The following HK1 variants were observed in gnomAD, a reference collection of about 807,000 sequenced individuals.
HK1 encodes the protein hexokinase-1.
In HK1, 28 loss-of-function variants were observed where a neutral mutation model predicts 91.6. The observed-to-expected ratio is 0.31, with a 90% CI of 0.23 to 0.42. The LOEUF (loss-of-function observed/expected upper bound fraction) is 0.42, where lower values mean the gene tolerates loss of function less well. HK1 is among the 10% of genes least tolerant of loss of function. The pLI, the probability that HK1 is intolerant of heterozygous loss-of-function variation, is 1.00. For synonymous variants in HK1, 430 were observed against 468.1 expected (o/e 0.92, Z 1.05); for missense variants, 770 against 1,219.8 (o/e 0.63, Z 5.49).
intron 1 of HK1, among the ~76,000 whole-genome samples, chr10:69,273,382 A>AT (rs1360053893): frequency 6.6e-6 from 1 of 151,844 alleles, no homozygotes. Flanking sequence ...CACCCAGATA[A>AT]TTTTTTTGTA....
chr10:69,365,007 C>A, intron 4 of HK1, 105 bp downstream of exon 4: 1 of 1,262,688 alleles, frequency 7.9e-7, no homozygotes, highest in Non-Finnish European at 1.2e-6. Flanking sequence ...GAATGGTTTG[C>A]ATGTCTGGTA....
intron 4 of HK1, among the ~76,000 whole-genome samples, chr10:69,297,588 C>T (rs765694050): frequency 2.0e-5 from 3 of 152,104 alleles, no homozygotes; most frequent in Admixed American, 6.6e-5. Flanking sequence ...TCTGAAGCAT[C>T]GCAGCTTTAG....
Position 69,355,664 on chromosome 10 carries a change from C to T in HK1, c.227-4233C>T, listed in dbSNP as rs142602590. Among the ~76,000 whole-genome samples the T allele has an allele frequency of 5.2e-3, 789 of 152,164 alleles. 2 individuals are homozygous for T. Among genetic ancestry groups the T allele is most frequent in the Middle Eastern group, 0.024 (7 of 294 alleles). ...AAAATTAGCCAGTTGTGGTGGCACA[C>T]GCCTGTAATCCTAGCTACTTGGGAG... is the stretch of plus-strand genomic sequence containing the variant. On this transcript the variant is annotated intron_variant, in intron 2 of 17. Coordinates refer to ENST00000359426, the MANE Select transcript of HK1 (RefSeq NM_000188.3).
intron 2 of HK1, among the ~76,000 whole-genome samples, chr10:69,285,687 G>A (rs1447438246): frequency 6.6e-6 from 1 of 152,114 alleles, no homozygotes; most frequent in Non-Finnish European, 1.5e-5. Context: ...ACAGTTCTGC[G>A]GCGACATGTG....
intron 17 of HK1, 124 bp downstream of exon 17, chr10:69,398,952 C>A: frequency 2.9e-6 from 2 of 687,320 alleles, no homozygotes; most frequent in Admixed American, 4.7e-5. Flanking sequence ...GAAGGCTGTG[C>A]GTTCAGGAGC....
At chr10:69,342,583 A>G (rs974234358) in intron 1 of HK1, among the ~76,000 whole-genome samples, 3 of 152,224 alleles carry the variant, frequency 2.0e-5, no homozygotes, top group African/African-American at 7.2e-5. Flanking sequence ...TGCAGAGGGT[A>G]GGTGCCTTGG....
At chr10:69,373,941 C>T (rs999984635) in intron 7 of HK1, among the ~76,000 whole-genome samples, 3 of 152,136 alleles carry the variant, frequency 2.0e-5, no homozygotes, top group Non-Finnish European at 2.9e-5. Flanking sequence ...CCTGGAATCT[C>T]TGGGATCTTG....
At chr10:69,292,321 C>T (rs1399134546) in intron 3 of HK1, 2 of 439,586 alleles carry the variant, frequency 4.5e-6, no homozygotes, top group East Asian at 7.6e-5. Flanking sequence ...GATCCTCCTG[C>T]CTCAGCCTCC....
Position 69,380,076 on chromosome 10 carries a change from C to T in HK1, c.1246C>T (p.Leu416Phe). Residue 416 changes from leucine to phenylalanine, a missense_variant, in exon 9 of 18, where the codon CTT becomes TTT. Coordinates refer to ENST00000359426, the MANE Select transcript of HK1 (RefSeq NM_000188.3). This position sits in a 1 kb window ranked among gnomAD's most constrained non-coding sequence, Gnocchi z 4.0. ...GACCACGGTTGGTGTCGACGGATCT[C>T]TTTACAAGACGCACCCACAGTGAGT... is the stretch of plus-strand genomic sequence containing the variant. ...LRTTVGVDGSLYKTHPQYSRR... is the reference protein window; with the variant it reads ...LRTTVGVDGSFYKTHPQYSRR... 6.2e-7 allele frequency: 1 copy of T among 1,613,856 alleles called. No homozygotes were observed. The highest frequency in any genetic ancestry group is 1.6e-4 in the Middle Eastern group (1 of 6,062).
intron 7 of HK1, among the ~76,000 whole-genome samples, chr10:69,371,316 A>ACCCCCCCC (rs59530954): frequency 7.6e-6 from 1 of 131,218 alleles, no homozygotes; most frequent in Non-Finnish European, 1.6e-5. Context: ...TTTTTACCAT[A>ACCCCCCCC]CCCCCCCCCA....
chr10:69,271,365 A>T (rs1589423243), intron 1 of HK1, among the ~76,000 whole-genome samples: 1 of 152,172 alleles, frequency 6.6e-6, no homozygotes, highest in Non-Finnish European at 1.5e-5. Context: ...AATGGCATGA[A>T]TTACATTTAT....
At chr10:69,390,017 G>A (rs1386907002) in intron 14 of HK1, among the ~76,000 whole-genome samples, 3 of 152,162 alleles carry the variant, frequency 2.0e-5, no homozygotes, top group African/African-American at 4.8e-5. Flanking sequence ...CAACATCTGC[G>A]GACTCTGCCT....
intron 15 of HK1, among the ~76,000 whole-genome samples, chr10:69,394,527 C>G (rs1353956165): frequency 6.6e-6 from 1 of 152,146 alleles, no homozygotes; most frequent in Non-Finnish European, 1.5e-5. Context: ...GCCCTGTCCT[C>G]TTGGGGCTGT....
Position 69,343,892 on chromosome 10 carries a change from C to T in HK1, c.129C>T (p.Phe43=). 1.9e-6 allele frequency: 3 copies of T among 1,614,010 alleles called. No homozygotes were observed. Among genetic ancestry groups the T allele is most frequent in the Non-Finnish European group, 2.5e-6 (3 of 1,179,900 alleles). ...CTCTCATAGATATCATGACTCGCTT[C>T]AGGAAGGAGATGAAGAATGGCCTCT... ...DETLIDIMTR[F]RKEMKNGLSR... Residue 43 remains phenylalanine, a synonymous_variant, in exon 2 of 18, where the codon TTC becomes TTT. Coordinates refer to ENST00000359426, the MANE Select transcript of HK1 (RefSeq NM_000188.3).
At chr10:69,367,208 C>G (rs527946299) in intron 4 of HK1, among the ~76,000 whole-genome samples, 1 of 152,288 alleles carries the variant, frequency 6.6e-6, no homozygotes, top group Admixed American at 6.5e-5. Context: ...GCCTTCACCC[C>G]CTCTGGAGAA....
intron 2 of HK1, among the ~76,000 whole-genome samples, chr10:69,346,566 T>C (rs1848574100): frequency 6.6e-6 from 1 of 152,046 alleles, no homozygotes; most frequent in Non-Finnish European, 1.5e-5. Context: ...GAGATAGGGT[T>C]TTGCCATGTT....
intron 5 of HK1, among the ~76,000 whole-genome samples, chr10:69,310,420 CAAA>C (rs745830600): frequency 0.021 from 1,794 of 85,370 alleles, 50 homozygotes; most frequent in Admixed American, 0.11. Context: ...GACTTTGTCT[CAAA>C]AAAAAAAAAA....
chr10:69,306,128 G>A (rs756372209), intron 5 of HK1, among the ~76,000 whole-genome samples: 8 of 152,084 alleles, frequency 5.3e-5, no homozygotes, highest in African/African-American at 1.7e-4. Context: ...AGGCCAAGGC[G>A]GGCAGATCAT....
upstream of HK1, among the ~76,000 whole-genome samples, chr10:69,317,463 T>G (rs1358569576): frequency 6.6e-6 from 1 of 152,200 alleles, no homozygotes; most frequent in Non-Finnish European, 1.5e-5. Flanking sequence ...CCCCTGAACC[T>G]ACGTCATCCC....
Sources: gnomAD v4.1 joint callset for allele counts (sites outside exome capture counted in the v4.1 genomes callset) on GRCh38, gnomAD v4.1.1 for gene constraint, Gnocchi (gnomAD v3.1) non-coding constraint, MANE v1.5 for transcripts, NCBI Gene and HGNC (gene_info 2026-07-23, HGNC 2026-07-21) for gene names.